CGNL1: variants seen among roughly 807,000 people sequenced by gnomAD.
CGNL1 encodes cingulin-like protein 1.
A neutral mutation model predicts 141.2 loss-of-function variants in CGNL1; 132 were observed. The observed-to-expected ratio is 0.93, with a 90% CI of 0.81 to 1.08. The LOEUF (loss-of-function observed/expected upper bound fraction) is 1.08. Ranked by LOEUF, CGNL1 falls within the 50% of genes least tolerant of loss-of-function variation. The pLI is 0.00. For synonymous variants in CGNL1, 690 were observed against 622.1 expected (o/e 1.11, Z -1.63); for missense variants, 1,870 against 1,588.6 (o/e 1.18, Z -3.01).
rs1254884955 is a variant in CGNL1 at position 57,547,549 on chromosome 15, G to A, written c.*59G>A. On this transcript the variant is annotated 3_prime_UTR_variant, in exon 19 of 19. Coordinates refer to ENST00000281282, the MANE Select transcript of CGNL1 (RefSeq NM_032866.5). ...CCTGCAGGAGCTGCAGCCACCCAAA[G>A]TGGGAGGCAGGGAGGGGAGCATCTG... 2.5e-6 allele frequency: 4 copies of A among 1,581,600 alleles called. No homozygotes were observed. The African/African-American group carries it at 5.4e-5, about 21-fold the overall frequency.
intron 8 of CGNL1, among the ~76,000 whole-genome samples, chr15:57,495,073 G>T (rs1040036238): frequency 6.6e-6 from 1 of 152,118 alleles, no homozygotes; most frequent in Non-Finnish European, 1.5e-5. Flanking sequence ...TCCTTCTGGG[G>T]GCTTTATAGG....
chr15:57,392,107 A>G (rs563638721), intron 1 of CGNL1, among the ~76,000 whole-genome samples: 1 of 152,250 alleles, frequency 6.6e-6, no homozygotes, highest in East Asian at 1.9e-4. Context: ...TTTCTGGGCC[A>G]TGGGATGGTG....
chr15:57,528,961 C>G lies in CGNL1; in HGVS notation c.3201+146C>G, dbSNP rs1367536909. On this transcript the variant is annotated intron_variant, in intron 13 of 18. Coordinates refer to ENST00000281282, the MANE Select transcript of CGNL1 (RefSeq NM_032866.5). The stretch of plus-strand genomic sequence containing the variant: ...ACAGCTGGGTGTAGTGAGGTTATTT[C>G]TTGATTGAAGGAAGGGGCCAGTCAT... The G allele has an allele frequency of 1.6e-5, 13 of 798,670 alleles. No homozygotes were observed. In the East Asian group the frequency reaches 3.5e-4, roughly 22 times the overall value. 49.5% of individuals were successfully genotyped at this position (798,670 alleles called of 1,614,324 possible).
intron 12 of CGNL1, among the ~76,000 whole-genome samples, chr15:57,526,762 C>T (rs2031639180): frequency 6.6e-6 from 1 of 152,190 alleles, no homozygotes; most frequent in South Asian, 2.1e-4. Context: ...TTAATCTCTT[C>T]TGCCGGCCCT....
At chr15:57,482,835 A>T (rs2063742300) in intron 8 of CGNL1, among the ~76,000 whole-genome samples, 1 of 150,112 alleles carries the variant, frequency 6.7e-6, no homozygotes, top group East Asian at 2.0e-4. Flanking sequence ...CCCAGACTGG[A>T]GTGCAATGGC....
chr15:57,404,271 T>A (rs2062691219), intron 1 of CGNL1, among the ~76,000 whole-genome samples: 1 of 152,196 alleles, frequency 6.6e-6, no homozygotes, highest in African/African-American at 2.4e-5. Context: ...AGGGCAAATT[T>A]TTCCCCCTCT....
intron 1 of CGNL1, among the ~76,000 whole-genome samples, chr15:57,411,037 T>G (rs1172320635): frequency 1.3e-5 from 2 of 152,042 alleles, no homozygotes; most frequent in Non-Finnish European, 2.9e-5. Flanking sequence ...AAAAATAACT[T>G]TTGAAGGTCT....
At chr15:57,504,861 C>T (rs2152392944) in intron 8 of CGNL1, among the ~76,000 whole-genome samples, 1 of 152,310 alleles carries the variant, frequency 6.6e-6, no homozygotes. Context: ...ATTAGGTGAA[C>T]AGCACTAATG....
chr15:57,534,898 C>G (rs2032167899), intron 14 of CGNL1, among the ~76,000 whole-genome samples: 1 of 152,210 alleles, frequency 6.6e-6, no homozygotes, highest in Admixed American at 6.5e-5. Context: ...CAGCTTTCTC[C>G]TTAAACTCTG....
intron 14 of CGNL1, among the ~76,000 whole-genome samples, chr15:57,541,288 C>G (rs1469003102): frequency 6.6e-6 from 1 of 152,226 alleles, no homozygotes; most frequent in Non-Finnish European, 1.5e-5. Context: ...GGGCCCTGCC[C>G]TGGGCACATG....
chr15:57,463,537 A>G (rs2063472224), intron 8 of CGNL1, among the ~76,000 whole-genome samples: 1 of 152,234 alleles, frequency 6.6e-6, no homozygotes, highest in Non-Finnish European at 1.5e-5. Context: ...CGGGAAGCTA[A>G]CACAAAGGGG....
chr15:57,530,514 G>A (rs1032537127), intron 13 of CGNL1, among the ~76,000 whole-genome samples: 2 of 152,054 alleles, frequency 1.3e-5, no homozygotes, highest in Non-Finnish European at 2.9e-5. Context: ...TCCTAACGAC[G>A]GACATTTTCT....
intron 1 of CGNL1, among the ~76,000 whole-genome samples, chr15:57,392,673 A>T (rs867030462): frequency 2.6e-5 from 4 of 152,166 alleles, no homozygotes; most frequent in African/African-American, 9.6e-5. Context: ...ACTGAAGGCT[A>T]TTGTCCCAGG....
At chr15:57,482,586 G>A (rs1472518345) in intron 8 of CGNL1, among the ~76,000 whole-genome samples, 1 of 152,140 alleles carries the variant, frequency 6.6e-6, no homozygotes, top group African/African-American at 2.4e-5. Flanking sequence ...CTGTAAAAGT[G>A]GGTTGGGCAT....
At chr15:57,498,223 A>G (rs1454216557) in intron 8 of CGNL1, among the ~76,000 whole-genome samples, 1 of 140,304 alleles carries the variant, frequency 7.1e-6, no homozygotes, top group African/African-American at 2.6e-5. Context: ...AGTTGCTCAT[A>G]CTTAGGTTGA....
In CGNL1 at chr15:57,439,223, T is replaced by C; in HGVS notation, c.1224T>C (p.Ser408=). The C allele has an allele frequency of 1.2e-6, 2 of 1,614,080 alleles. No individual in the cohort carries two copies. The highest frequency in any genetic ancestry group is 8.5e-7 in the Non-Finnish European group (1 of 1,180,002). Reference sequence around the variant, plus strand: ...ACTCGGAGTACCTGATTGAATTCAGTAGGAACTTGGGCAAGTCAAGCGAAC... The same window carrying C: ...ACTCGGAGTACCTGATTGAATTCAGCAGGAACTTGGGCAAGTCAAGCGAAC... ...QGNSEYLIEF[S]RNLGKSSEHL... The change falls in exon 2 of 19, where the codon AGT becomes AGC. Residue 408 remains serine (S), a synonymous_variant. Transcript: ENST00000281282.
intron 18 of CGNL1, among the ~76,000 whole-genome samples, 159 bp downstream of exon 18, chr15:57,546,398 T>C (rs1337759417): frequency 6.6e-6 from 1 of 152,176 alleles, no homozygotes; most frequent in Non-Finnish European, 1.5e-5. Context: ...GTGTCCACTT[T>C]AGTCACCTTA....
At chr15:57,484,802 T>C (rs1283692572) in intron 8 of CGNL1, among the ~76,000 whole-genome samples, 1 of 152,148 alleles carries the variant, frequency 6.6e-6, no homozygotes, top group Non-Finnish European at 1.5e-5. Context: ...AGTGAGAACA[T>C]GCAGTGTTTG....
At chr15:57,378,583 A>G (rs184129745) in intron 1 of CGNL1, among the ~76,000 whole-genome samples, 20 of 151,726 alleles carry the variant, frequency 1.3e-4, no homozygotes, top group African/African-American at 4.8e-4. Flanking sequence ...GGGTTTCGCC[A>G]TGTTGTCCAG....
Sources: allele counts gnomAD v4.1 joint callset (sites outside exome capture counted in the v4.1 genomes callset), GRCh38; gene constraint gnomAD v4.1.1; transcripts MANE v1.5; gene names NCBI Gene and HGNC (gene_info 2026-07-23, HGNC 2026-07-21).